The following RIC8B variants were observed in gnomAD, a reference collection of about 807,000 sequenced individuals.
The protein encoded by RIC8B is chaperone Ric-8B.
RIC8B carries 16 observed loss-of-function variants against 57.5 expected under a neutral mutation model. That is an observed-to-expected ratio of 0.28 (90% confidence interval 0.19 to 0.42). The LOEUF is 0.42. Among genes scored for constraint, RIC8B ranks in the 10% least tolerant of loss-of-function variants. The pLI is 1.00. For missense variants in RIC8B, 481 were observed against 677.0 expected, an observed-to-expected ratio of 0.71 and a Z score of 3.21; for synonymous variants, 216 against 250.8, an observed-to-expected ratio of 0.86 and a Z score of 1.31.
intron 9 of RIC8B, chr12:106,871,488 AAAAAAAAAAACC>A (rs1950411766): frequency 7.0e-6 from 1 of 143,616 alleles, no homozygotes; most frequent in African/African-American, 2.6e-5. Context: ...AAAAAAAAAA[AAAAAAAAAAACC>A]AAAAAACTCC....
At chr12:106,874,521 C>A (rs1380840654) in intron 9 of RIC8B, 3 of 1,551,180 alleles carry the variant, frequency 1.9e-6, no homozygotes, top group Non-Finnish European at 2.6e-6. Context: ...TGGTGGTTAG[C>A]AACAGTGGCC....
intron 2 of RIC8B, among the ~76,000 whole-genome samples, chr12:106,787,265 C>T (rs2044073167): frequency 6.6e-6 from 1 of 152,180 alleles, no homozygotes; most frequent in African/African-American, 2.4e-5. Context: ...AAAACATCAA[C>T]AAACAAATTC....
Position 106,871,500 on chromosome 12 carries a change from C to CAAAAAAAAAAAA in RIC8B, c.1571+564_1571+565insAAAAAAAAAAAA, listed in dbSNP as rs1566169701. On this transcript the variant is annotated intron_variant, in intron 9 of 9. Coordinates refer to ENST00000392837, the MANE Select transcript of RIC8B (RefSeq NM_001330145.2). ...AAAAAAAAAAAAAAAAAAAAAAAAC[C>CAAAAAAAAAAAA]AAAAAACTCCCCTTCCCCTCTTGCT... 35 of 66,570 alleles carry CAAAAAAAAAAAA rather than the reference C, an allele frequency of 5.3e-4. 4 individuals are homozygous for CAAAAAAAAAAAA. The highest frequency in any genetic ancestry group is 2.0e-3 in the African/African-American group (33 of 16,612). 4.1% of individuals were successfully genotyped at this position (66,570 alleles called of 1,614,324 possible).
At chr12:106,784,716 C>T (rs1334475249) in intron 2 of RIC8B, among the ~76,000 whole-genome samples, 1 of 152,160 alleles carries the variant, frequency 6.6e-6, no homozygotes, top group Non-Finnish European at 1.5e-5. Context: ...ATACAAATGC[C>T]AGAACCAAAC....
intron 2 of RIC8B, among the ~76,000 whole-genome samples, chr12:106,785,934 A>C (rs934494075): frequency 2.0e-5 from 3 of 149,764 alleles, no homozygotes; most frequent in African/African-American, 4.9e-5. Flanking sequence ...CCCCTGTAAC[A>C]CTCCTGGGCT....
chr12:106,846,116 C>T (rs537795380), intron 6 of RIC8B, among the ~76,000 whole-genome samples: 1 of 152,114 alleles, frequency 6.6e-6, no homozygotes, highest in Non-Finnish European at 1.5e-5. Flanking sequence ...GCTGATGACT[C>T]TCAAATTTAT....
intron 4 of RIC8B, among the ~76,000 whole-genome samples, chr12:106,833,984 G>A (rs148789799): frequency 3.3e-4 from 50 of 152,142 alleles, no homozygotes; most frequent in African/African-American, 1.1e-3. Flanking sequence ...CTCTCCCTTC[G>A]TCTTCCACCA....
chr12:106,862,977 G>C (rs1203639623), intron 8 of RIC8B, among the ~76,000 whole-genome samples: 5 of 152,114 alleles, frequency 3.3e-5, no homozygotes, highest in Admixed American at 2.0e-4. Context: ...AGCCAGGTTT[G>C]TTGAAAGTTT....
rs531393197 is a variant in RIC8B at position 106,809,712 on chromosome 12, A to G, written c.133-4984A>G. Among the ~76,000 whole-genome samples, 144 of 152,256 alleles carry G rather than the reference A, an allele frequency of 9.5e-4. 1 individual carries two copies. Among genetic ancestry groups the G allele is most frequent in the Non-Finnish European group, 1.1e-3 (75 of 68,000 alleles). ...CAAAAAAAAAATTTATGGATACGTA[A>G]TAATTCTACATATTTATGGGGTACA... On this transcript the variant is annotated intron_variant, in intron 2 of 9. Coordinates refer to ENST00000392837, the MANE Select transcript of RIC8B (RefSeq NM_001330145.2).
chr12:106,852,717 CTT>C (rs1405196585), intron 7 of RIC8B, among the ~76,000 whole-genome samples: 1 of 152,168 alleles, frequency 6.6e-6, no homozygotes, highest in East Asian at 1.9e-4. Flanking sequence ...TGGGTCCTGT[CTT>C]TTCTTTCTGC....
At chr12:106,861,215 T>C (rs957971331) in intron 8 of RIC8B, among the ~76,000 whole-genome samples, 4 of 152,082 alleles carry the variant, frequency 2.6e-5, no homozygotes, top group Admixed American at 2.6e-4. Flanking sequence ...AGCATGCCCT[T>C]TCCTTGTGAC....
chr12:106,865,531 C>T (rs1950104255), intron 8 of RIC8B, among the ~76,000 whole-genome samples: 1 of 152,152 alleles, frequency 6.6e-6, no homozygotes, highest in South Asian at 2.1e-4. Context: ...TTGATTCATT[C>T]TAAATTGGTA....
At chr12:106,833,948 G>A (rs187958921) in intron 4 of RIC8B, among the ~76,000 whole-genome samples, 3 of 152,264 alleles carry the variant, frequency 2.0e-5, no homozygotes, top group African/African-American at 7.2e-5. Flanking sequence ...CTTTCTTGCT[G>A]CCGCTCTTGC....
At chr12:106,842,019 GA>G (rs1948974065) in intron 4 of RIC8B, among the ~76,000 whole-genome samples, 1 of 152,130 alleles carries the variant, frequency 6.6e-6, no homozygotes, top group South Asian at 2.1e-4. Flanking sequence ...TGATAAGAAA[GA>G]GAGAAAAAAC....
intron 3 of RIC8B, among the ~76,000 whole-genome samples, chr12:106,817,080 T>G (rs1049765883): frequency 2.6e-5 from 4 of 152,188 alleles, no homozygotes; most frequent in Non-Finnish European, 5.9e-5. Context: ...TAGATAAGAA[T>G]GTCTTCATGA....
At chr12:106,876,829 T>G (rs1265533458) in intron 9 of RIC8B, among the ~76,000 whole-genome samples, 3 of 152,114 alleles carry the variant, frequency 2.0e-5, no homozygotes, top group Non-Finnish European at 4.4e-5. Flanking sequence ...AATCCTTCCT[T>G]ATTGGGAAGA....
intron 4 of RIC8B, 81 bp downstream of exon 4, chr12:106,825,901 T>A: frequency 3.2e-6 from 3 of 932,676 alleles, no homozygotes; most frequent in South Asian, 1.4e-5. Context: ...TCAATTGTTA[T>A]AAGCACAAGA....
At chr12:106,876,764 A>G (rs1012630586) in intron 9 of RIC8B, among the ~76,000 whole-genome samples, 2 of 152,148 alleles carry the variant, frequency 1.3e-5, no homozygotes, top group Non-Finnish European at 2.9e-5. Context: ...ACATCAAATA[A>G]GAATCATCTC....
intron 9 of RIC8B, chr12:106,874,404 C>A: frequency 9.2e-7 from 1 of 1,085,150 alleles, no homozygotes; most frequent in Non-Finnish European, 1.4e-6. Context: ...AATTGAAAGG[C>A]ATGTGAGTAA....
Sources: gnomAD v4.1 joint callset for allele counts (sites outside exome capture counted in the v4.1 genomes callset) on GRCh38, gnomAD v4.1.1 for gene constraint, MANE v1.5 for transcripts, NCBI Gene and HGNC (gene_info 2026-07-23, HGNC 2026-07-21) for gene names.